APOBEC3H: variants seen among roughly 807,000 people sequenced by gnomAD.
APOBEC3H encodes DNA dC->dU-editing enzyme APOBEC-3H.
In APOBEC3H, 8 loss-of-function variants were observed where a neutral mutation model predicts 21.2. The ratio of observed to expected loss-of-function variants is 0.38; its 90% confidence interval spans 0.22 to 0.68. The LOEUF (loss-of-function observed/expected upper bound fraction) is 0.68, where lower values mean the gene tolerates loss of function less well. APOBEC3H is among the 30% of genes least tolerant of loss of function. The pLI, the probability that APOBEC3H is intolerant of heterozygous loss-of-function variation, is 0.52. For missense variants in APOBEC3H, 229 were observed against 228.1 expected, an observed-to-expected ratio of 1.00 and a Z score of -0.03; for synonymous variants, 88 against 91.0, an observed-to-expected ratio of 0.97 and a Z score of 0.19.
At chr22:39,097,595 T>C (rs982472256) in intron 1 of APOBEC3H, among the ~76,000 whole-genome samples, 3 of 152,096 alleles carry the variant, frequency 2.0e-5, no homozygotes, top group African/African-American at 7.2e-5. Context: ...CCCCTAAGAG[T>C]CATGGCTGGG....
intron 1 of APOBEC3H, among the ~76,000 whole-genome samples, chr22:39,099,609 C>T (rs1056904963): frequency 2.0e-5 from 3 of 152,204 alleles, no homozygotes; most frequent in African/African-American, 7.2e-5. Context: ...GAAAGGCACA[C>T]CCACAGTTCT....
At chr22:39,100,629 T>G in intron 2 of APOBEC3H, 1 of 636,282 alleles carries the variant, frequency 1.6e-6, no homozygotes, top group Non-Finnish European at 2.6e-6. Flanking sequence ...CTCCCATTCT[T>G]TCCCGTCCCC....
intron 4 of APOBEC3H, among the ~76,000 whole-genome samples, chr22:39,102,950 A>G (rs139307): frequency 0.24 from 29,758 of 126,550 alleles, 3,998 homozygotes; most frequent in South Asian, 0.34. Flanking sequence ...GCAACAAAGC[A>G]AGACTCTGTC....
chr22:39,098,023 C>T (rs543409397), intron 1 of APOBEC3H, among the ~76,000 whole-genome samples: 49 of 152,330 alleles, frequency 3.2e-4, no homozygotes, highest in African/African-American at 1.1e-3. Flanking sequence ...AAGGCTCCCT[C>T]CTGCAGGGCC....
At chr22:39,097,586 C>G (rs561147397) in intron 1 of APOBEC3H, among the ~76,000 whole-genome samples, 45 of 152,350 alleles carry the variant, frequency 3.0e-4, no homozygotes, top group Admixed American at 2.4e-3. Flanking sequence ...TGAGACTCTC[C>G]CCTAAGAGTC....
At position 39,101,249 on chromosome 22, in the gene APOBEC3H, G is replaced by A; in HGVS notation, c.163G>A (p.Ala55Thr). 6.2e-7 allele frequency: 1 copy of A among 1,608,510 alleles called. No homozygotes were observed. Among genetic ancestry groups the A allele is most frequent in the South Asian group, 1.1e-5 (1 of 90,976 alleles). Reference sequence around the variant, plus strand: ...GGACCCTCCCCAGAAAAAGTGCCATGCAGAAATTTGCTTTATTAACGAGAT... The same window carrying A: ...GGACCCTCCCCAGAAAAAGTGCCATACAGAAATTTGCTTTATTAACGAGAT... ...GYFENKKKCHAEICFINEIKS... is the reference protein window; with the variant it reads ...GYFENKKKCHTEICFINEIKS... Residue 55 changes from alanine (A) to threonine (T), a missense_variant, in exon 3 of 5, where the codon GCA becomes ACA. Transcript: ENST00000442487.
At chr22:39,101,575 TG>T (rs2146322596) in intron 3 of APOBEC3H, 71 bp downstream of exon 3, 1 of 290,944 alleles carries the variant, frequency 3.4e-6, no homozygotes, top group African/African-American at 4.0e-5. Flanking sequence ...GGCTGGGGGT[TG>T]GGGGTTGGGG....
rs936972142 is a variant in APOBEC3H at position 39,104,040 on chromosome 22, C to T, written c.*343C>T. 12 of 352,494 alleles carry T rather than the reference C, an allele frequency of 3.4e-5. No homozygotes were observed. In the Admixed American group the frequency reaches 3.7e-4, roughly 11 times the overall value. The allele number at this position is 352,494 out of a possible 1,614,324, so 21.8% of individuals were successfully genotyped here. A position where few individuals can be genotyped will look rare whatever the true frequency, so the allele number is the denominator to read the frequency against. ...TAGCACTTTGGGAGGCTGAGATGCTCGGCCAATAAATTTCTATTGTTTATG... is the reference window on the plus strand; with the variant it reads ...TAGCACTTTGGGAGGCTGAGATGCTTGGCCAATAAATTTCTATTGTTTATG... On this transcript the variant is annotated 3_prime_UTR_variant, in exon 5 of 5. Coordinates refer to ENST00000442487, the MANE Select transcript of APOBEC3H (RefSeq NM_181773.5).
At chr22:39,102,675 T>A (rs1929440000) in intron 4 of APOBEC3H, 1 of 679,712 alleles carries the variant, frequency 1.5e-6, no homozygotes, top group Non-Finnish European at 2.7e-6. Context: ...ATTATTTACA[T>A]CTTTATGTCC....
intron 1 of APOBEC3H, among the ~76,000 whole-genome samples, chr22:39,097,936 G>A (rs980067911): frequency 1.3e-5 from 2 of 152,016 alleles, no homozygotes; most frequent in Non-Finnish European, 2.9e-5. Flanking sequence ...CCAGTAACAC[G>A]GAATATACGG....
chr22:39,102,637 CTCTCTTCTTTTGGAG>C, intron 4 of APOBEC3H: 1 of 708,012 alleles, frequency 1.4e-6, no homozygotes, highest in South Asian at 1.5e-5. Context: ...CCCTCCCACC[CTCTCTTCTTTTGGAG>C]TCTCCAGCGT....
chr22:39,098,691 C>T (rs755758901), intron 1 of APOBEC3H, among the ~76,000 whole-genome samples: 5 of 152,126 alleles, frequency 3.3e-5, no homozygotes, highest in African/African-American at 9.7e-5. Flanking sequence ...GAGGTCACCC[C>T]GGCCCTGCTG....
intron 1 of APOBEC3H, among the ~76,000 whole-genome samples, chr22:39,098,656 C>G (rs1304699573): frequency 6.6e-6 from 1 of 152,126 alleles, no homozygotes; most frequent in East Asian, 1.9e-4. Context: ...CCTGGAAAGA[C>G]CAGAGCTAGG....
At chr22:39,099,052 G>A (rs542266305) in intron 1 of APOBEC3H, among the ~76,000 whole-genome samples, 136 of 152,086 alleles carry the variant, frequency 8.9e-4, no homozygotes, top group African/African-American at 3.0e-3. Context: ...AAAATTAGCC[G>A]GGCATGAAGG....
At chr22:39,098,172 T>C (rs1016892447) in intron 1 of APOBEC3H, among the ~76,000 whole-genome samples, 17 of 152,216 alleles carry the variant, frequency 1.1e-4, no homozygotes, top group Non-Finnish European at 7.3e-5. Flanking sequence ...CAGCCTCACG[T>C]GAGCTCAGAT....
intron 1 of APOBEC3H, among the ~76,000 whole-genome samples, chr22:39,097,948 A>G (rs1412157834): frequency 6.6e-6 from 1 of 152,226 alleles, no homozygotes; most frequent in Non-Finnish European, 1.5e-5. Context: ...AATATACGGA[A>G]AAACTCAATG....
intron 1 of APOBEC3H, among the ~76,000 whole-genome samples, chr22:39,098,247 C>T (rs905230061): frequency 3.9e-5 from 6 of 152,292 alleles, no homozygotes; most frequent in South Asian, 2.1e-4. Flanking sequence ...TTTTTTGTTT[C>T]GTTTTGTTTT....
At chr22:39,103,579 TG>T in intron 4 of APOBEC3H, 109 bp from the exon 5 acceptor site, 1 of 1,188,176 alleles carries the variant, frequency 8.4e-7, no homozygotes, top group Non-Finnish European at 1.3e-6. Flanking sequence ...TGGGCCCTTC[TG>T]GTGCCAGTTC....
chr22:39,103,879 C>T lies in APOBEC3H; in HGVS notation c.*182C>T, dbSNP rs1203108458. 5.5e-6 allele frequency: 4 copies of T among 730,396 alleles called. No homozygotes were observed. In the Admixed American group the frequency reaches 8.5e-5, roughly 15 times the overall value. The allele number at this position is 730,396 out of a possible 1,614,324, so 45.2% of individuals were successfully genotyped here. A position where few individuals can be genotyped will look rare whatever the true frequency, so the allele number is the denominator to read the frequency against. On this transcript the variant is annotated 3_prime_UTR_variant, in exon 5 of 5. Coordinates refer to ENST00000442487, the MANE Select transcript of APOBEC3H (RefSeq NM_181773.5). ...GTTCCTTGCCCCAACCTGGCCCCATCCAAGTACAGAAGACCTTCCTTTCCT... is the reference window on the plus strand; with the variant it reads ...GTTCCTTGCCCCAACCTGGCCCCATTCAAGTACAGAAGACCTTCCTTTCCT...
Sources: allele counts gnomAD v4.1 joint callset (sites outside exome capture counted in the v4.1 genomes callset), GRCh38; gene constraint gnomAD v4.1.1; transcripts MANE v1.5; gene names NCBI Gene and HGNC (gene_info 2026-07-23, HGNC 2026-07-21).